The following COL21A1 variants were observed in gnomAD, a reference collection of about 807,000 sequenced individuals.
COL21A1 encodes collagen type XXI alpha 1 chain, also known as collagen alpha-1(XXI) chain.
Under a neutral mutation model 137.9 loss-of-function variants are expected in COL21A1, and 149 were observed. The observed-to-expected ratio is 1.08, with a 90% CI of 0.95 to 1.24. COL21A1 has a LOEUF of 1.24. Among genes scored for constraint, COL21A1 ranks in the 50% most tolerant of loss-of-function variants. COL21A1 has a pLI of 0.00. For missense variants in COL21A1, 1,167 were observed against 1,158.4 expected (o/e 1.01, Z -0.11); for synonymous variants, 456 against 391.5 (o/e 1.16, Z -1.95).
intron 1 of COL21A1, among the ~76,000 whole-genome samples, chr6:56,327,966 A>G (rs1399763101): frequency 6.6e-6 from 1 of 152,074 alleles, no homozygotes; most frequent in Admixed American, 6.6e-5. Context: ...CTAACATAAT[A>G]GCCTGATTAG....
chr6:56,215,181 A>G (rs1037351660), intron 1 of COL21A1, among the ~76,000 whole-genome samples: 2 of 152,102 alleles, frequency 1.3e-5, no homozygotes, highest in Non-Finnish European at 2.9e-5. Context: ...CTGATGAGAC[A>G]GAAGTCTTCA....
At chr6:56,207,132 A>T (rs1172622406) in intron 1 of COL21A1, among the ~76,000 whole-genome samples, 1 of 152,174 alleles carries the variant, frequency 6.6e-6, no homozygotes, top group South Asian at 2.1e-4. Flanking sequence ...TAAAAGAACT[A>T]GAGAAGCAAC....
At chr6:56,295,639 C>A (rs929863732) in intron 1 of COL21A1, among the ~76,000 whole-genome samples, 4 of 151,836 alleles carry the variant, frequency 2.6e-5, no homozygotes, top group African/African-American at 9.7e-5. Flanking sequence ...TACTTTTCCT[C>A]ACATAGATTT....
intron 1 of COL21A1, among the ~76,000 whole-genome samples, chr6:56,196,271 T>A (rs900671668): frequency 6.6e-6 from 1 of 152,104 alleles, no homozygotes; most frequent in African/African-American, 2.4e-5. Context: ...ATTATACTAA[T>A]GGTTAAAAGC....
intron 8 of COL21A1, 33 bp from the exon 9 acceptor site, chr6:56,164,539 C>T: frequency 7.0e-7 from 1 of 1,427,948 alleles, no homozygotes; most frequent in Non-Finnish European, 9.7e-7. Flanking sequence ...AGACAACAAG[C>T]ATGGAAAGAC....
intron 3 of COL21A1, among the ~76,000 whole-genome samples, chr6:56,174,403 A>C (rs1436187377): frequency 6.6e-6 from 1 of 152,040 alleles, no homozygotes; most frequent in African/African-American, 2.4e-5. Context: ...TGGAAAAATC[A>C]ACAAAATTGA....
intron 5 of COL21A1, among the ~76,000 whole-genome samples, chr6:56,169,821 C>T (rs12202885): frequency 0.09 from 13,600 of 151,892 alleles, 719 homozygotes; most frequent in African/African-American, 0.14. Context: ...ATTGTAAATA[C>T]GCTCTTTGAA....
intron 1 of COL21A1, among the ~76,000 whole-genome samples, chr6:56,353,342 A>T (rs188655699): frequency 1.7e-3 from 265 of 152,246 alleles, no homozygotes; most frequent in Non-Finnish European, 2.8e-3. Context: ...CAGCTGCCAG[A>T]CTGGAGAGAC....
chr6:56,100,687 T>G (rs1330938415), intron 17 of COL21A1, among the ~76,000 whole-genome samples: 3 of 152,148 alleles, frequency 2.0e-5, no homozygotes, highest in Non-Finnish European at 4.4e-5. Context: ...CAGTACATAA[T>G]CATACACAAG....
At chr6:56,123,944 T>A in intron 16 of COL21A1, 118 bp downstream of exon 16, 1 of 842,496 alleles carries the variant, frequency 1.2e-6, no homozygotes, top group Non-Finnish European at 1.8e-6. Context: ...TTTTAGCTCA[T>A]GAATTTTATC....
intron 17 of COL21A1, among the ~76,000 whole-genome samples, chr6:56,096,320 A>T (rs189778287): frequency 1.2e-4 from 18 of 152,322 alleles, no homozygotes; most frequent in Admixed American, 1.2e-3. Flanking sequence ...GCCATGATTA[A>T]TTAATCTTCA....
At chr6:56,133,169 C>T (rs1773708098) in intron 12 of COL21A1, among the ~76,000 whole-genome samples, 2 of 152,198 alleles carry the variant, frequency 1.3e-5, no homozygotes, top group African/African-American at 4.8e-5. Flanking sequence ...AAGTTTTGAA[C>T]TCCCCAGAGA....
Position 56,216,594 on chromosome 6 carries a change from A to G in COL21A1, c.-39+30793T>C, listed in dbSNP as rs76182880. On this transcript the variant is annotated intron_variant, in intron 1 of 29. Coordinates refer to ENST00000244728, the MANE Select transcript of COL21A1 (RefSeq NM_030820.4). The stretch of plus-strand genomic sequence containing the variant: ...AAAGAAATTCTTGATAAGGGTCAAC[A>G]TCATACAGATGTGAGACTCACTAGT... Among the ~76,000 whole-genome samples the G allele has an allele frequency of 8.3e-3, 1,260 of 152,242 alleles. 21 individuals are homozygous for G. Among genetic ancestry groups the G allele is most frequent in the African/African-American group, 0.029 (1,215 of 41,578 alleles).
intron 12 of COL21A1, among the ~76,000 whole-genome samples, chr6:56,141,225 G>GGT (rs1448433153): frequency 6.6e-6 from 1 of 151,920 alleles, no homozygotes; most frequent in Non-Finnish European, 1.5e-5. Context: ...AAGAAATTGT[G>GGT]GTATATATAC....
chr6:56,261,056 A>G (rs201814834), intron 1 of COL21A1, among the ~76,000 whole-genome samples: 3 of 34,606 alleles, frequency 8.7e-5, no homozygotes, highest in African/African-American at 3.9e-4. Context: ...TTGACACTTC[A>G]CTTTTTATAG....
chr6:56,285,337 G>A (rs1002366964), intron 1 of COL21A1, among the ~76,000 whole-genome samples: 2 of 152,116 alleles, frequency 1.3e-5, no homozygotes, highest in East Asian at 1.9e-4. Context: ...AGAGCAATCA[G>A]TTAGCAAATG....
chr6:56,173,106 G>A (rs985854247), intron 3 of COL21A1, among the ~76,000 whole-genome samples: 2 of 152,208 alleles, frequency 1.3e-5, no homozygotes, highest in African/African-American at 4.8e-5. Context: ...TAGAGAGACT[G>A]AATGGTTTAG....
intron 1 of COL21A1, among the ~76,000 whole-genome samples, chr6:56,233,788 C>A (rs1781732485): frequency 4.4e-5 from 5 of 114,598 alleles, no homozygotes; most frequent in Non-Finnish European, 3.7e-5. Context: ...AGTTATAATT[C>A]AAAGAATAGA....
intron 1 of COL21A1, among the ~76,000 whole-genome samples, chr6:56,201,082 G>A (rs1320696479): frequency 6.6e-6 from 1 of 151,958 alleles, no homozygotes; most frequent in East Asian, 1.9e-4. Flanking sequence ...TCATGTGTCT[G>A]TTGGCTGCAT....
Sources: allele counts gnomAD v4.1 joint callset (sites outside exome capture counted in the v4.1 genomes callset), GRCh38; gene constraint gnomAD v4.1.1; transcripts MANE v1.5; gene names NCBI Gene and HGNC (gene_info 2026-07-23, HGNC 2026-07-21).